Variants in TJP2 observed in about 807,000 individuals in gnomAD.
TJP2 encodes the protein Friedreich ataxia region gene X104 (tight junction protein ZO-2).
TJP2 carries 91 observed loss-of-function variants against 133.1 expected under a neutral mutation model. The ratio of observed to expected loss-of-function variants is 0.68; its 90% CI spans 0.58 to 0.81. The LOEUF is 0.81. Ranked by LOEUF, TJP2 falls within the 40% of genes least tolerant of loss-of-function variation. The pLI, the probability that TJP2 is intolerant of heterozygous loss-of-function variation, is 0.00. For missense variants in TJP2, 1,541 were observed against 1,565.6 expected (o/e 0.98, Z 0.26); for synonymous variants, 592 against 583.4 (o/e 1.01, Z -0.21).
rs1443564953 is a variant in TJP2 at position 69,230,198 on chromosome 9, A to G, written c.1637A>G (p.Gln546Arg). 1 of 1,614,196 alleles carries G rather than the reference A, an allele frequency of 6.2e-7. No individual in the cohort carries two copies. Among genetic ancestry groups the G allele is most frequent in the Non-Finnish European group, 8.5e-7 (1 of 1,180,018 alleles). The change falls in exon 11 of 23, where the codon CAG (glutamine) becomes CGG (arginine). Residue 546 changes from glutamine to arginine, a missense_variant. Gln to Arg is a conservative substitution (Grantham distance 43). Coordinates refer to ENST00000377245, the MANE Select transcript of TJP2 (RefSeq NM_004817.4). ...ATTCAAGAAGGGACCTCGGCGGAGC[A>G]GGAGGGCCTTCAAGAAGGAGACCAG... ...AGIQEGTSAE[Q>R]EGLQEGDQIL...
intron 2 of TJP2, among the ~76,000 whole-genome samples, chr9:69,154,376 G>C (rs1002115040): frequency 2.0e-5 from 3 of 152,174 alleles, no homozygotes; most frequent in African/African-American, 7.2e-5. Context: ...TGGACCTGAG[G>C]TTTCTAATCA....
chr9:69,247,069 A>G lies in TJP2; in HGVS notation c.2667+279A>G, dbSNP rs187487676. ...CCAAGTACACTAATCAGAGCTTACA[A>G]GATCTCATGCTGAGCTCCACAGCTT... On this transcript the variant is annotated intron_variant, in intron 18 of 22. Coordinates refer to ENST00000377245, the MANE Select transcript of TJP2 (RefSeq NM_004817.4). Among the ~76,000 whole-genome samples, 6 of 152,378 alleles carry G rather than the reference A, an allele frequency of 3.9e-5. No individual in the cohort carries two copies. The East Asian group carries it at 9.6e-4, about 24-fold the overall frequency.
In TJP2 at chr9:69,239,922, C is replaced by T. The variant is rs771969290; in HGVS notation, c.2356-15C>T. The stretch of plus-strand genomic sequence containing the variant: ...TATATATCCATTTCTCTAACTTTTC[C>T]CCTTTTGTAAACAGGATAAGCATGC... On this transcript the variant is annotated splice_polypyrimidine_tract_variant and intron_variant, in intron 16 of 22. Transcript: ENST00000377245. 1 of 1,609,552 alleles carries T rather than the reference C, an allele frequency of 6.2e-7. No individual in the cohort carries two copies. Among genetic ancestry groups the T allele is most frequent in the South Asian group, 1.1e-5 (1 of 90,976 alleles).
intron 17 of TJP2, among the ~76,000 whole-genome samples, chr9:69,241,920 T>A (rs575917355): frequency 6.6e-6 from 1 of 152,324 alleles, no homozygotes; most frequent in Admixed American, 6.5e-5. Context: ...TTTTGACAGA[T>A]TAAAAAACTG....
intron 5 of TJP2, among the ~76,000 whole-genome samples, chr9:69,223,392 C>T (rs1829066759): frequency 6.6e-6 from 1 of 152,166 alleles, no homozygotes; most frequent in Non-Finnish European, 1.5e-5. Context: ...ACTGCAGGCT[C>T]CATCTCCCGG....
intron 11 of TJP2, among the ~76,000 whole-genome samples, chr9:69,232,387 G>A (rs1285891123): frequency 6.6e-6 from 1 of 152,156 alleles, no homozygotes; most frequent in African/African-American, 2.4e-5. Context: ...CAGCAGACAC[G>A]GCTAGACCCT....
chr9:69,205,309 C>T, intron 1 of TJP2: 5 of 1,535,574 alleles, frequency 3.3e-6, no homozygotes, highest in Non-Finnish European at 4.4e-6. Flanking sequence ...CAAAACCATT[C>T]TCACAGTGAG....
chr9:69,183,777 C>A (rs1177816489), intron 1 of TJP2, among the ~76,000 whole-genome samples: 1 of 152,164 alleles, frequency 6.6e-6, no homozygotes, highest in Non-Finnish European at 1.5e-5. Context: ...CTCTGTCACC[C>A]AGGCTGGAGT....
At chr9:69,177,873 G>C (rs1280887306) in intron 1 of TJP2, among the ~76,000 whole-genome samples, 1 of 152,060 alleles carries the variant, frequency 6.6e-6, no homozygotes, top group Non-Finnish European at 1.5e-5. Context: ...ATACATTGTA[G>C]TGTGAGAGGC....
chr9:69,191,083 A>T (rs1333827224), intron 1 of TJP2, among the ~76,000 whole-genome samples: 1 of 152,080 alleles, frequency 6.6e-6, no homozygotes, highest in African/African-American at 2.4e-5. Context: ...GTCTGCAGTC[A>T]CTCATAGCTT....
At chr9:69,243,618 G>A (rs191855686) in intron 17 of TJP2, among the ~76,000 whole-genome samples, 1 of 152,158 alleles carries the variant, frequency 6.6e-6, no homozygotes, top group African/African-American at 2.4e-5. Context: ...TGCATGGTTC[G>A]AAGATCATTT....
At chr9:69,145,776 C>G (rs887331432) in intron 1 of TJP2, 1 of 1,231,924 alleles carries the variant, frequency 8.1e-7, no homozygotes, top group Non-Finnish European at 1.0e-6. Context: ...AAGAGAACTT[C>G]TACCTGAGAG....
In TJP2 at chr9:69,253,989, C is replaced by T. The variant is rs1156380233; in HGVS notation, c.3408-220C>T. 8.4e-6 allele frequency: 5 copies of T among 593,434 alleles called. No homozygotes were observed. The East Asian group carries it at 1.5e-4, about 18-fold the overall frequency. The allele number at this position is 593,434 out of a possible 1,614,324, so 36.8% of individuals were successfully genotyped here. Reference sequence around the variant, plus strand: ...AGGGAGATTCTTAGGTCAGGGAGCACCTGGCTGGCTTCCTCACTCACCGCC... The same window carrying T: ...AGGGAGATTCTTAGGTCAGGGAGCATCTGGCTGGCTTCCTCACTCACCGCC... On this transcript the variant is annotated intron_variant, in intron 22 of 22. Coordinates refer to ENST00000377245, the MANE Select transcript of TJP2 (RefSeq NM_004817.4).
At position 69,236,210 on chromosome 9, in the gene TJP2, G is replaced by A. The variant is rs1293643521; in HGVS notation, c.1963G>A (p.Glu655Lys). 1 of 1,614,088 alleles carries A rather than the reference G, an allele frequency of 6.2e-7. No individual in the cohort carries two copies. Among genetic ancestry groups the A allele is most frequent in the Admixed American group, 1.7e-5 (1 of 60,008 alleles). ...WLAVRIGNEL[E>K]KGLIPNKSRA... ...GGCTGTGAGGATTGGGAACGAGTTGGAGAAAGGCTTAATCCCCAACAAGAG... is the reference window on the plus strand; with the variant it reads ...GGCTGTGAGGATTGGGAACGAGTTGAAGAAAGGCTTAATCCCCAACAAGAG... The change falls in exon 13 of 23, where the codon GAG (glutamate) becomes AAG (lysine). Residue 655 changes from glutamate (E) to lysine (K), a missense_variant. Transcript: ENST00000377245.
chr9:69,180,455 T>A (rs1825416677), intron 1 of TJP2, among the ~76,000 whole-genome samples: 1 of 152,172 alleles, frequency 6.6e-6, no homozygotes, highest in African/African-American at 2.4e-5. Context: ...AATGTTCCAC[T>A]TGGGGCCATT....
chr9:69,165,193 A>G (rs1824284164), intron 2 of TJP2, among the ~76,000 whole-genome samples: 1 of 152,146 alleles, frequency 6.6e-6, no homozygotes, highest in South Asian at 2.1e-4. Context: ...CAGTGGCACA[A>G]TCACGGCTAC....
At chr9:69,132,309 T>G (rs956711321) in intron 1 of TJP2, among the ~76,000 whole-genome samples, 3 of 152,168 alleles carry the variant, frequency 2.0e-5, no homozygotes, top group African/African-American at 7.2e-5. Context: ...GAATCCAAAT[T>G]CCCAGGCATC....
intron 7 of TJP2, among the ~76,000 whole-genome samples, chr9:69,226,476 A>G (rs1262530335): frequency 6.6e-6 from 1 of 152,200 alleles, no homozygotes; most frequent in Non-Finnish European, 1.5e-5. Flanking sequence ...AGAACTAACC[A>G]TATCATTTAT....
chr9:69,219,056 G>A (rs918467056), intron 4 of TJP2, among the ~76,000 whole-genome samples: 14 of 150,690 alleles, frequency 9.3e-5, no homozygotes, highest in African/African-American at 2.9e-4. Flanking sequence ...CACAATCTCC[G>A]CCTCCTGGGT....
Sources: gnomAD v4.1 joint callset for allele counts (sites outside exome capture counted in the v4.1 genomes callset) on GRCh38, gnomAD v4.1.1 for gene constraint, MANE v1.5 for transcripts, NCBI Gene and HGNC (gene_info 2026-07-23, HGNC 2026-07-21) for gene names.